The following NLGN1 variants were observed in gnomAD, a reference collection of about 807,000 sequenced individuals.
The protein encoded by NLGN1 is neuroligin-1.
Under a neutral mutation model 65.5 loss-of-function variants are expected in NLGN1, and 12 were observed. That is an observed-to-expected ratio of 0.18 (90% CI 0.12 to 0.30). The LOEUF (loss-of-function observed/expected upper bound fraction) is 0.30. Among genes scored for constraint, NLGN1 ranks in the 10% least tolerant of loss-of-function variants. The probability of loss-of-function intolerance (pLI) is 1.00; values close to 1 mark genes in which losing one functional copy is unlikely to be tolerated. For missense variants in NLGN1, 750 were observed against 1,007.1 expected, an observed-to-expected ratio of 0.74 and a Z score of 3.46; for synonymous variants, 350 against 359.5, an observed-to-expected ratio of 0.97 and a Z score of 0.30.
chr3:174,030,265 A>G (rs910749979), intron 4 of NLGN1, among the ~76,000 whole-genome samples: 2 of 151,756 alleles, frequency 1.3e-5, no homozygotes, highest in African/African-American at 4.8e-5. Flanking sequence ...AGCTGGGATT[A>G]CAGGCATGTG....
In NLGN1 at chr3:173,872,297, G is replaced by A. The variant is rs964752364; in HGVS notation, c.646+64465G>A. On this transcript the variant is annotated intron_variant, in intron 4 of 6. Coordinates refer to ENST00000457714, the Ensembl canonical transcript of NLGN1. ...TGGACAATAAAAGGTTTTCTAATGCGTCCCCAGTGTGGGCCTATGCTAGTG... is the reference window on the plus strand; with the variant it reads ...TGGACAATAAAAGGTTTTCTAATGCATCCCCAGTGTGGGCCTATGCTAGTG... Among the ~76,000 whole-genome samples the A allele has an allele frequency of 2.6e-5, 4 of 152,188 alleles. No homozygotes were observed. The South Asian group carries it at 6.2e-4, about 24-fold the overall frequency.
At chr3:174,145,921 C>A (rs1723138715) in intron 4 of NLGN1, among the ~76,000 whole-genome samples, 1 of 152,220 alleles carries the variant, frequency 6.6e-6, no homozygotes, top group African/African-American at 2.4e-5. Flanking sequence ...ACTCTTTTGA[C>A]CAAATTTCTG....
chr3:173,865,113 T>C (rs1013735780), intron 4 of NLGN1, among the ~76,000 whole-genome samples: 2 of 152,214 alleles, frequency 1.3e-5, no homozygotes, highest in African/African-American at 4.8e-5. Context: ...ATGATATTTG[T>C]CAAAGTGAAT....
intron 4 of NLGN1, among the ~76,000 whole-genome samples, chr3:173,951,716 C>T (rs1178732519): frequency 2.6e-5 from 4 of 152,110 alleles, no homozygotes; most frequent in African/African-American, 9.7e-5. Context: ...ACACCTCGAC[C>T]TCCCAAAGTG....
Position 173,768,153 on chromosome 3 carries a change from T to C in NLGN1, c.494-39527T>C, listed in dbSNP as rs182514867. The stretch of plus-strand genomic sequence containing the variant: ...AAATGGAAATTAGGTAACCAATATA[T>C]ATTATAAAATAATTTCATTTCCGAA... On this transcript the variant is annotated intron_variant, in intron 3 of 6. Transcript: ENST00000457714. Among the ~76,000 whole-genome samples, 6 of 152,314 alleles carry C rather than the reference T, an allele frequency of 3.9e-5. No individual in the cohort carries two copies. In the East Asian group the frequency reaches 1.2e-3, roughly 29 times the overall value.
chr3:173,950,823 G>T (rs1227395986), intron 4 of NLGN1, among the ~76,000 whole-genome samples: 3 of 150,344 alleles, frequency 2.0e-5, no homozygotes, highest in South Asian at 2.1e-4. Context: ...AAAAAAAAAA[G>T]GTCCTAAATA....
intron 4 of NLGN1, among the ~76,000 whole-genome samples, chr3:173,838,798 C>G (rs981740208): frequency 6.6e-6 from 1 of 152,110 alleles, no homozygotes; most frequent in Non-Finnish European, 1.5e-5. Flanking sequence ...GCAACGGATT[C>G]TATACTCATA....
At chr3:174,146,954 C>T (rs921005044) in intron 4 of NLGN1, among the ~76,000 whole-genome samples, 1 of 152,066 alleles carries the variant, frequency 6.6e-6, no homozygotes, top group African/African-American at 2.4e-5. Context: ...TTACATAAAA[C>T]AGGTTTAAGA....
chr3:174,123,683 C>T (rs192826290), intron 4 of NLGN1, among the ~76,000 whole-genome samples: 29 of 152,218 alleles, frequency 1.9e-4, no homozygotes, highest in Admixed American at 1.9e-3. Context: ...TCATAGCCGG[C>T]ACCCATTTAA....
intron 2 of NLGN1, among the ~76,000 whole-genome samples, chr3:173,517,938 A>G (rs1734118118): frequency 6.6e-6 from 1 of 152,178 alleles, no homozygotes; most frequent in Non-Finnish European, 1.5e-5. Context: ...GACTGTTCAA[A>G]CCTGTGACAT....
intron 4 of NLGN1, among the ~76,000 whole-genome samples, chr3:174,237,361 T>C (rs1199923211): frequency 2.0e-5 from 3 of 152,192 alleles, no homozygotes; most frequent in Non-Finnish European, 2.9e-5. Flanking sequence ...CTGTTAATTA[T>C]GTTTAACAAT....
intron 4 of NLGN1, among the ~76,000 whole-genome samples, chr3:174,165,229 T>A (rs958231864): frequency 6.6e-6 from 1 of 152,080 alleles, no homozygotes; most frequent in Admixed American, 6.6e-5. Flanking sequence ...GCATTTCCAG[T>A]ACTATATTGA....
chr3:173,681,630 A>G (rs1211210343), intron 3 of NLGN1, among the ~76,000 whole-genome samples: 2 of 152,110 alleles, frequency 1.3e-5, no homozygotes, highest in Non-Finnish European at 2.9e-5. Context: ...AGTAAGACAT[A>G]TTTTTGGCCC....
intron 4 of NLGN1, among the ~76,000 whole-genome samples, chr3:173,998,148 C>T (rs558577883): frequency 1.3e-5 from 2 of 152,270 alleles, no homozygotes; most frequent in South Asian, 4.1e-4. Context: ...CATAGCTCTT[C>T]GTGTGTTACC....
At chr3:173,398,720 C>T (rs1028287379) in intron 1 of NLGN1, among the ~76,000 whole-genome samples, 3 of 152,120 alleles carry the variant, frequency 2.0e-5, no homozygotes, top group Admixed American at 6.5e-5. Context: ...ACTTGGGAAA[C>T]GTGAATTCGT....
At chr3:173,863,143 A>G (rs947333960) in intron 4 of NLGN1, among the ~76,000 whole-genome samples, 4 of 152,156 alleles carry the variant, frequency 2.6e-5, no homozygotes, top group Non-Finnish European at 4.4e-5. Context: ...ATAAAAAAAA[A>G]AAAACTTTCT....
At chr3:174,266,116 T>C (rs113784096) in intron 4 of NLGN1, among the ~76,000 whole-genome samples, 4,064 of 151,286 alleles carry the variant, frequency 0.027, 155 homozygotes, top group African/African-American at 0.09. Context: ...CATGGGTAAA[T>C]TGCATGTCAA....
At chr3:173,785,070 A>G (rs1013110528) in intron 3 of NLGN1, among the ~76,000 whole-genome samples, 1 of 152,194 alleles carries the variant, frequency 6.6e-6, no homozygotes, top group African/African-American at 2.4e-5. Context: ...ACATAACAAG[A>G]CAGACATAGA....
intron 4 of NLGN1, among the ~76,000 whole-genome samples, chr3:173,869,808 T>C (rs1174799406): frequency 6.6e-6 from 1 of 152,220 alleles, no homozygotes; most frequent in Non-Finnish European, 1.5e-5. Flanking sequence ...AGGCTTTAAT[T>C]CATTGTCTCT....
Sources: gnomAD v4.1 joint callset for allele counts (sites outside exome capture counted in the v4.1 genomes callset) on GRCh38, gnomAD v4.1.1 for gene constraint, MANE v1.5 for transcripts, NCBI Gene and HGNC (gene_info 2026-07-23, HGNC 2026-07-21) for gene names.